The following ATAD3B variants were observed in gnomAD, a reference collection of about 807,000 sequenced individuals.
ATAD3B encodes ATPase family AAA domain containing 3B, also known as ATPase family AAA domain-containing protein 3B.
Under a neutral mutation model 70.2 loss-of-function variants are expected in ATAD3B, and 59 were observed. The observed-to-expected ratio is 0.84, with a 90% CI of 0.68 to 1.04. The LOEUF is 1.04. Ranked by LOEUF, ATAD3B falls within the 50% of genes least tolerant of loss-of-function variation. The pLI, the probability that ATAD3B is intolerant of heterozygous loss-of-function variation, is 0.00. For missense variants in ATAD3B, 961 were observed against 913.4 expected (o/e 1.05, Z -0.67); for synonymous variants, 423 against 388.6 (o/e 1.09, Z -1.04).
At chr1:1,472,134 G>C in intron 1 of ATAD3B, 45 bp downstream of exon 1, 3 of 1,231,206 alleles carry the variant, frequency 2.4e-6, no homozygotes, top group Non-Finnish European at 3.0e-6. Context: ...GGGCGGGACG[G>C]GCCGGGGAAG....
chr1:1,499,279 CTTTTTTTTTTTT>C (rs752359726), downstream of ATAD3B, among the ~76,000 whole-genome samples: 1 of 113,838 alleles, frequency 8.8e-6, no homozygotes, highest in Admixed American at 9.4e-5. Context: ...CCTGGAATAC[CTTTTTTTTTTTT>C]TTTTTTTTGG....
intron 12 of ATAD3B, 72 bp downstream of exon 12, chr1:1,487,986 G>A: frequency 6.3e-7 from 1 of 1,588,070 alleles, no homozygotes; most frequent in Non-Finnish European, 8.6e-7. Flanking sequence ...CCTGGGCCAG[G>A]CTGCAGCCCT....
At chr1:1,482,034 G>C in intron 5 of ATAD3B, 104 bp from the exon 6 acceptor site, 1 of 1,490,992 alleles carries the variant, frequency 6.7e-7, no homozygotes, top group Non-Finnish European at 9.0e-7. Context: ...GCGTTGGTCT[G>C]TCCGTGGCGT....
At chr1:1,481,879 C>G (rs960367892) in intron 5 of ATAD3B, among the ~76,000 whole-genome samples, 1 of 152,234 alleles carries the variant, frequency 6.6e-6, no homozygotes, top group East Asian at 1.9e-4. Context: ...TGGAGTGGGT[C>G]GGTCCATGGC....
chr1:1,501,473 T>C (rs1229245115), downstream of ATAD3B, among the ~76,000 whole-genome samples: 1 of 152,156 alleles, frequency 6.6e-6, no homozygotes, highest in Non-Finnish European at 1.5e-5. Flanking sequence ...TCCAGGATGG[T>C]CTCGATCTCC....
At position 1,475,470 on chromosome 1, in the gene ATAD3B, G is replaced by A. The variant is rs933154378; in HGVS notation, c.206-1804G>A. The stretch of plus-strand genomic sequence containing the variant: ...CCTGGCAGCGGGGTCGCCGAGATTC[G>A]CCCGTTGCTTTGTCCTTGCTGCTCT... On this transcript the variant is annotated intron_variant, in intron 1 of 15. Transcript: ENST00000673477. Among the ~76,000 whole-genome samples the A allele has an allele frequency of 3.3e-5, 5 of 151,160 alleles. 1 individual carries two copies. The highest frequency in any genetic ancestry group is 4.2e-4 in the South Asian group (2 of 4,790).
chr1:1,491,199 C>A (rs994713102), intron 15 of ATAD3B, among the ~76,000 whole-genome samples: 1 of 151,908 alleles, frequency 6.6e-6, no homozygotes, highest in Admixed American at 6.6e-5. Flanking sequence ...ACTCCAGGGC[C>A]GAGGAGCCGA....
rs141072509 is a variant in ATAD3B at position 1,487,837 on chromosome 1, T to C, written c.1215-26T>C. On this transcript the variant is annotated intron_variant, in intron 11 of 15. Transcript: ENST00000673477. The stretch of plus-strand genomic sequence containing the variant: ...GGCTGCTCCTGGCGTCACTCTCGCC[T>C]TGCTTGGCCTCTCTCTCGTTCACAG... The C allele has an allele frequency of 1.7e-4, 277 of 1,611,846 alleles. 2 individuals carry two copies. The Middle Eastern group carries it at 2.6e-3, about 15-fold the overall frequency.
At position 1,496,208 on chromosome 1, in the gene ATAD3B, G is replaced by A. The variant is rs563569885; in HGVS notation, c.*391G>A. On this transcript the variant is annotated 3_prime_UTR_variant, in exon 16 of 16. Coordinates refer to ENST00000673477, the MANE Select transcript of ATAD3B (RefSeq NM_031921.6). The stretch of plus-strand genomic sequence containing the variant: ...AAAGTCCCACAGGTGCCTCACCGCC[G>A]TGTCTCTCTATTGACTGACACTGCT... The A allele has an allele frequency of 8.7e-5, 88 of 1,014,214 alleles. 1 individual carries two copies. The African/African-American group carries it at 1.0e-3, about 12-fold the overall frequency. The allele number at this position is 1,014,214 out of a possible 1,614,324, so 62.8% of individuals were successfully genotyped here. A position where few individuals can be genotyped will look rare whatever the true frequency, so the allele number is the denominator to read the frequency against.
Position 1,471,916 on chromosome 1 carries a change from C to A in ATAD3B, c.32C>A (p.Pro11His). 7.9e-7 allele frequency: 1 copy of A among 1,267,776 alleles called. No homozygotes were observed. The highest frequency in any genetic ancestry group is 1.0e-6 in the Non-Finnish European group (1 of 1,002,490). 78.5% of individuals were successfully genotyped at this position (1,267,776 alleles called of 1,614,324 possible). Residue 11 changes from proline (P) to histidine (H), a missense_variant, in exon 1 of 16, where the codon CCC (proline) becomes CAC (histidine). Physicochemically the swap from Pro to His is moderately conservative, Grantham distance 77 (BLOSUM62 -2). This residue lies in a region of ATAD3B where 187 missense variants were observed against 244.3 expected (regional missense o/e 0.77). Coordinates refer to ENST00000673477, the MANE Select transcript of ATAD3B (RefSeq NM_031921.6). MSWLFGVNKG[P>H]KGEGAGPPPP... is the part of the protein sequence containing the mutation. ...TGGCTCTTCGGCGTTAACAAGGGCC[C>A]CAAGGGTGAAGGCGCGGGGCCGCCG... is the stretch of plus-strand genomic sequence containing the variant.
At chr1:1,487,292 T>G (rs1252052026) in intron 11 of ATAD3B, among the ~76,000 whole-genome samples, 2 of 151,676 alleles carry the variant, frequency 1.3e-5, no homozygotes, top group Non-Finnish European at 2.9e-5. Context: ...ATTGAGACCA[T>G]CCTGGCTAAC....
At chr1:1,498,073 C>T (rs1261773262), downstream of ATAD3B, among the ~76,000 whole-genome samples, 1 of 151,682 alleles carries the variant, frequency 6.6e-6, no homozygotes, top group African/African-American at 2.4e-5. Flanking sequence ...GAGGCTGAGG[C>T]GGGTGGATCA....
At position 1,480,515 on chromosome 1, in the gene ATAD3B, T is replaced by C. The variant is rs1004088247; in HGVS notation, c.445-352T>C. Among the ~76,000 whole-genome samples the C allele has an allele frequency of 1.1e-4, 16 of 147,568 alleles. 1 individual carries two copies. Among genetic ancestry groups the C allele is most frequent in the Non-Finnish European group, 2.2e-4 (15 of 67,134 alleles). Reference sequence around the variant, plus strand: ...CAGGCGGGGTTCACATGTTGCCTGTTGTGGGCATTGTAGCTTTAACGTTTA... The same window carrying C: ...CAGGCGGGGTTCACATGTTGCCTGTCGTGGGCATTGTAGCTTTAACGTTTA... On this transcript the variant is annotated intron_variant, in intron 4 of 15. Transcript: ENST00000673477.
chr1:1,509,442 G>A, the ATAD3B span: 14 of 1,595,396 alleles, frequency 8.8e-6, no homozygotes, highest in South Asian at 6.7e-5. Flanking sequence ...AATACTCCCC[G>A]TAATAAAGTC....
rs1047662785 is a variant in ATAD3B, at chr1:1,479,883, C to T, written c.444+775C>T. 1.0e-4 allele frequency among the ~76,000 whole-genome samples: 15 copies of T among 143,662 alleles called. 3 individuals are homozygous for T. The highest frequency in any genetic ancestry group is 7.1e-4 in the Admixed American group (10 of 14,158). 94.2% of individuals were successfully genotyped at this position (143,662 alleles called of 152,430 possible). ...ACGGGCCTGCACACACACCCCCACA[C>T]GGGCATGCACACGCCCACACACACG... is the stretch of plus-strand genomic sequence containing the variant. On this transcript the variant is annotated intron_variant, in intron 4 of 15. Coordinates refer to ENST00000673477, the MANE Select transcript of ATAD3B (RefSeq NM_031921.6).
At position 1,485,080 on chromosome 1, in the gene ATAD3B, G is replaced by C; in HGVS notation, c.815G>C (p.Gly272Ala). 6.2e-7 allele frequency: 1 copy of C among 1,609,448 alleles called. No homozygotes were observed. Among genetic ancestry groups the C allele is most frequent in the East Asian group, 2.2e-5 (1 of 44,782 alleles). The change falls in exon 8 of 16, where the codon GGC (glycine) becomes GCC (alanine). Residue 272 changes from glycine to alanine, a missense_variant. By Grantham distance (60) the Gly-to-Ala change is moderately conservative. Transcript: ENST00000673477. Reference sequence around the variant, plus strand: ...GCCAAGAATGCGACAGCCGTCACTGGCCGCTTCATCGAGGCTCGGCTGGGG... The same window carrying C: ...GCCAAGAATGCGACAGCCGTCACTGCCCGCTTCATCGAGGCTCGGCTGGGG... ...YSAKNATAVTGRFIEARLGKP... is the reference protein window; with the variant it reads ...YSAKNATAVTARFIEARLGKP...
intron 3 of ATAD3B, 32 bp downstream of exon 3, chr1:1,478,777 C>A: frequency 6.8e-7 from 1 of 1,462,710 alleles, no homozygotes; most frequent in Non-Finnish European, 9.2e-7. Context: ...AGGGAGGCCG[C>A]CCGGCTGCGG....
At chr1:1,482,680 C>G in intron 7 of ATAD3B, 66 bp downstream of exon 7, 1 of 1,609,606 alleles carries the variant, frequency 6.2e-7, no homozygotes, top group Non-Finnish European at 8.5e-7. Flanking sequence ...CCTCCTGGAG[C>G]CCCAGGTCCT....
At chr1:1,502,153 A>G (rs949017850), downstream of ATAD3B, among the ~76,000 whole-genome samples, 7 of 151,546 alleles carry the variant, frequency 4.6e-5, no homozygotes, top group African/African-American at 7.3e-5. Flanking sequence ...TGCTGGGATT[A>G]TAGGCATGAG....
Sources: gnomAD v4.1 joint callset for allele counts (sites outside exome capture counted in the v4.1 genomes callset) on GRCh38, gnomAD v4.1.1 for gene constraint, gnomAD v4.1.1 regional missense constraint, MANE v1.5 for transcripts, NCBI Gene and HGNC (gene_info 2026-07-23, HGNC 2026-07-21) for gene names.